The following JAK1 variants were observed in gnomAD, a reference collection of about 807,000 sequenced individuals.
JAK1 encodes the protein Janus kinase 1, also known as tyrosine-protein kinase JAK1.
JAK1 carries 16 observed loss-of-function variants against 136.6 expected under a neutral mutation model. The ratio of observed to expected loss-of-function variants is 0.12; its 90% CI spans 0.08 to 0.18. The LOEUF is 0.18. Ranked by LOEUF, JAK1 falls within the 10% of genes least tolerant of loss-of-function variation. The pLI is 1.00. For missense variants in JAK1, 859 were observed against 1,450.1 expected (o/e 0.59, Z 6.62); for synonymous variants, 492 against 519.5 (o/e 0.95, Z 0.72).
rs1402928752 is a variant in JAK1 at position 64,932,935 on chromosome 1, T to G, written c.-78+33398A>C. Among the ~76,000 whole-genome samples, 7 of 151,840 alleles carry G rather than the reference T, an allele frequency of 4.6e-5. No individual in the cohort carries two copies. The East Asian group carries it at 1.3e-3, about 29-fold the overall frequency. ...ACAAATCAAAGGTTTTTTCTCCCAGTTAGAATTAAGCCACTGCTAACGGGA... is the reference window on the plus strand; with the variant it reads ...ACAAATCAAAGGTTTTTTCTCCCAGGTAGAATTAAGCCACTGCTAACGGGA... On this transcript the variant is annotated intron_variant, in intron 1 of 24. Transcript: ENST00000342505.
chr1:65,014,472 AAAG>A (rs750710586), intron 2 of JAK1, among the ~76,000 whole-genome samples: 54 of 151,912 alleles, frequency 3.6e-4, no homozygotes, highest in Non-Finnish European at 6.9e-4. Context: ...GAAAGGAGAA[AAAG>A]AAAGAAAAAT....
At chr1:64,940,769 T>C (rs559940754) in intron 1 of JAK1, among the ~76,000 whole-genome samples, 2 of 152,332 alleles carry the variant, frequency 1.3e-5, no homozygotes, top group Non-Finnish European at 2.9e-5. Context: ...CAAATTACAT[T>C]TGTAGCTGAA....
chr1:65,055,608 TACCA>T (rs1226974632), intron 1 of JAK1, among the ~76,000 whole-genome samples: 5 of 152,188 alleles, frequency 3.3e-5, no homozygotes, highest in African/African-American at 4.8e-5. Flanking sequence ...GTAACGAATA[TACCA>T]ACCAAACACA....
At chr1:64,908,285 C>T (rs986886853) in intron 1 of JAK1, among the ~76,000 whole-genome samples, 9 of 152,150 alleles carry the variant, frequency 5.9e-5, no homozygotes, top group African/African-American at 2.2e-4. Context: ...GGTACTTACT[C>T]TCACGGCAGT....
intron 14 of JAK1, among the ~76,000 whole-genome samples, chr1:64,846,025 G>C (rs1655207505): frequency 6.6e-6 from 1 of 152,214 alleles, no homozygotes; most frequent in Non-Finnish European, 1.5e-5. Flanking sequence ...CGCTCACACG[G>C]CAAAACTTCC....
intron 17 of JAK1, among the ~76,000 whole-genome samples, chr1:64,842,322 G>A (rs932124286): frequency 6.6e-5 from 10 of 152,080 alleles, no homozygotes; most frequent in Admixed American, 3.3e-4. Flanking sequence ...TTCTTCAACT[G>A]TTTATTACTT....
At chr1:64,910,051 G>A (rs1168229737) in intron 1 of JAK1, among the ~76,000 whole-genome samples, 2 of 152,156 alleles carry the variant, frequency 1.3e-5, no homozygotes, top group African/African-American at 4.8e-5. Context: ...TACCACAAAA[G>A]CTTGTGCCTT....
chr1:65,064,692 A>G (rs1647964885), intron 1 of JAK1, among the ~76,000 whole-genome samples: 1 of 152,110 alleles, frequency 6.6e-6, no homozygotes, highest in African/African-American at 2.4e-5. Flanking sequence ...ATTATTGTTT[A>G]TCACAATTAT....
intron 1 of JAK1, among the ~76,000 whole-genome samples, chr1:64,900,290 G>A (rs1483358071): frequency 6.6e-6 from 1 of 152,186 alleles, no homozygotes; most frequent in Non-Finnish European, 1.5e-5. Context: ...GATCATTCTA[G>A]CATGGAATTA....
chr1:65,019,096 C>T (rs1446712009), intron 2 of JAK1, among the ~76,000 whole-genome samples: 1 of 152,092 alleles, frequency 6.6e-6, no homozygotes, highest in Non-Finnish European at 1.5e-5. Context: ...GAATCGTTTA[C>T]AGAAAATCCA....
chr1:65,049,833 G>A (rs1647237059), intron 1 of JAK1, among the ~76,000 whole-genome samples: 1 of 152,084 alleles, frequency 6.6e-6, no homozygotes, highest in Admixed American at 6.5e-5. Context: ...CTGGGCATAG[G>A]GAGCTCTTTC....
intron 2 of JAK1, among the ~76,000 whole-genome samples, chr1:65,033,697 A>G (rs1647044957): frequency 6.7e-6 from 1 of 148,152 alleles, no homozygotes; most frequent in Non-Finnish European, 1.5e-5. Context: ...AGATCAGCCC[A>G]GGTAACATTG....
At position 64,987,547 on chromosome 1, in the gene JAK1, G is replaced by A. The variant is rs1646611547; in HGVS notation, c.-78+56933C>T. 3 of 152,224 alleles carry A rather than the reference G, an allele frequency of 2.0e-5. No homozygotes were observed. In the South Asian group the frequency reaches 6.2e-4, roughly 31 times the overall value. 9.4% of individuals were successfully genotyped at this position (152,224 alleles called of 1,614,324 possible). ...TTGTTTGCCTGGTGTGGATGGTTAG[G>A]CAATCTACATGTGCCTTCAAGGGAA... On this transcript the variant is annotated intron_variant, in intron 2 of 25. Transcript: ENST00000671954.
At chr1:65,019,125 C>T (rs1415347469) in intron 2 of JAK1, among the ~76,000 whole-genome samples, 1 of 151,970 alleles carries the variant, frequency 6.6e-6, no homozygotes, top group Admixed American at 6.6e-5. Context: ...ATTCCAGGAC[C>T]AGAAGCCTTT....
chr1:64,834,711 A>C (rs1654361777), intron 24 of JAK1, 54 bp from the exon 25 acceptor site: 8 of 1,111,816 alleles, frequency 7.2e-6, no homozygotes, highest in Middle Eastern at 2.4e-4. Flanking sequence ...GGAACTTTAA[A>C]AAATAACAGA....
At chr1:64,891,776 G>A (rs1301936069) in intron 1 of JAK1, among the ~76,000 whole-genome samples, 1 of 152,196 alleles carries the variant, frequency 6.6e-6, no homozygotes, top group Non-Finnish European at 1.5e-5. Flanking sequence ...TACAAAATCT[G>A]CTATTTTTCC....
At chr1:65,042,210 G>A (rs944664032) in intron 2 of JAK1, among the ~76,000 whole-genome samples, 1 of 152,120 alleles carries the variant, frequency 6.6e-6, no homozygotes, top group Non-Finnish European at 1.5e-5. Context: ...AGGCAGTCTA[G>A]AGATGATTGA....
At chr1:64,988,201 C>A (rs1273870938) in intron 2 of JAK1, among the ~76,000 whole-genome samples, 1 of 152,096 alleles carries the variant, frequency 6.6e-6, no homozygotes, top group Non-Finnish European at 1.5e-5. Flanking sequence ...CAGTCCCATC[C>A]CTTCTGAGAG....
intron 2 of JAK1, chr1:64,974,859 TTTTC>T (rs1407496477): frequency 1.3e-5 from 2 of 152,228 alleles, no homozygotes; most frequent in African/African-American, 4.8e-5. Context: ...CAGCATTCTC[TTTTC>T]TTTTTTTGTT....
Sources: gnomAD v4.1 joint callset for allele counts (sites outside exome capture counted in the v4.1 genomes callset) on GRCh38, gnomAD v4.1.1 for gene constraint, MANE v1.5 for transcripts, NCBI Gene and HGNC (gene_info 2026-07-23, HGNC 2026-07-21) for gene names.